The following SPINK7 variants were observed in gnomAD, a reference collection of about 807,000 sequenced individuals.
SPINK7 encodes the protein serine protease inhibitor Kazal-type 7.
Under a neutral mutation model 11.6 loss-of-function variants are expected in SPINK7, and 8 were observed. The observed-to-expected ratio is 0.69, with a 90% CI of 0.41 to 1.25. The LOEUF is 1.25. Ranked by LOEUF, SPINK7 falls within the 50% of genes most tolerant of loss-of-function variation. The probability of loss-of-function intolerance (pLI) is 0.01; values close to 1 mark genes in which losing one functional copy is unlikely to be tolerated. For missense variants in SPINK7, 113 were observed against 99.3 expected (o/e 1.14, Z -0.58); for synonymous variants, 38 against 35.3 (o/e 1.08, Z -0.27).
rs933508465 is a variant in SPINK7 at position 148,314,034 on chromosome 5, A to T, written c.88-66A>T. 4.4e-6 allele frequency: 7 copies of T among 1,602,206 alleles called. No homozygotes were observed. The East Asian group carries it at 1.6e-4, about 36-fold the overall frequency. ...AGCTGGGACTTCCAGCCCTTGTAGT[A>T]TATCTAATAGTGGCCTAGCTTGGGG... On this transcript the variant is annotated intron_variant, in intron 2 of 3. Coordinates refer to ENST00000274565, the MANE Select transcript of SPINK7 (RefSeq NM_032566.3).
intron 2 of SPINK7, 189 bp downstream of exon 2, chr5:148,313,588 T>C (rs1445727631): frequency 7.0e-6 from 3 of 431,486 alleles, no homozygotes; most frequent in Admixed American, 8.0e-5. Context: ...TTTAAAAATG[T>C]TTTTTAAAAA....
chr5:148,313,214 T>A (rs1424902582), intron 1 of SPINK7, among the ~76,000 whole-genome samples, 160 bp from the exon 2 acceptor site: 2 of 152,084 alleles, frequency 1.3e-5, no homozygotes, highest in Admixed American at 1.3e-4. Context: ...CCATTCAACT[T>A]CCTCAGCAAA....
intron 2 of SPINK7, 192 bp from the exon 3 acceptor site, chr5:148,313,908 C>G: frequency 1.5e-6 from 1 of 645,596 alleles, no homozygotes; most frequent in Non-Finnish European, 2.6e-6. Context: ...CAATTGTTAA[C>G]TGAGTGTAGC....
intron 1 of SPINK7, 72 bp downstream of exon 1, chr5:148,312,616 G>C (rs1756875096): frequency 3.6e-6 from 3 of 823,608 alleles, no homozygotes; most frequent in Non-Finnish European, 5.9e-6. Context: ...CCTGCGATGT[G>C]AGCATCTCAG....
At chr5:148,313,780 C>A in intron 2 of SPINK7, 1 of 457,308 alleles carries the variant, frequency 2.2e-6, no homozygotes, top group Non-Finnish European at 3.8e-6. Context: ...TATTTCTAAG[C>A]TTTAATTTTC....
intron 2 of SPINK7, chr5:148,313,601 C>T (rs1444691004): frequency 1.2e-5 from 5 of 420,618 alleles, no homozygotes; most frequent in African/African-American, 4.1e-5. Flanking sequence ...TTTAAAAATG[C>T]CAGAGTTAAA....
Position 148,312,456 on chromosome 5 carries a change from C to T in SPINK7, c.-28C>T. The T allele has an allele frequency of 6.6e-7, 1 of 1,517,988 alleles. No individual in the cohort carries two copies. Among genetic ancestry groups the T allele is most frequent in the Non-Finnish European group, 9.2e-7 (1 of 1,092,610 alleles). 94.0% of individuals were successfully genotyped at this position (1,517,988 alleles called of 1,614,324 possible). On this transcript the variant is annotated 5_prime_UTR_variant, in exon 1 of 4. It introduces an in-frame stop codon into an upstream open reading frame of the 5' UTR. Transcript: ENST00000274565. ...TGCAGCTGTAGTGACAATCTCAGAG[C>T]AGCTTCTACACCACAGCCATTTCCA...
chr5:148,315,674 G>A lies in SPINK7; in HGVS notation c.248G>A (p.Gly83Glu). The A allele has an allele frequency of 6.3e-7, 1 of 1,594,700 alleles. No individual in the cohort carries two copies. Reference sequence around the variant, plus strand: ...GGAAGAGTTCAGTTTCTTCACGATGGAAGTTGCTAAATTCTCCATGGACAT... The same window carrying A: ...GGAAGAGTTCAGTTTCTTCACGATGAAAGTTGCTAAATTCTCCATGGACAT... ...SNGRVQFLHDGSC is the reference protein window; with the variant it reads ...SNGRVQFLHDESC Residue 83 changes from glycine (G) to glutamate (E), a missense_variant, in exon 4 of 4, where the codon GGA (glycine) becomes GAA (glutamate). Coordinates refer to ENST00000274565, the MANE Select transcript of SPINK7 (RefSeq NM_032566.3).
In SPINK7 at chr5:148,315,693, T is replaced by C. The variant is rs1756922715; in HGVS notation, c.*9T>C. On this transcript the variant is annotated 3_prime_UTR_variant, in exon 4 of 4. Coordinates refer to ENST00000274565, the MANE Select transcript of SPINK7 (RefSeq NM_032566.3). ...ACGATGGAAGTTGCTAAATTCTCCATGGACATAGAGAGAAAGGAATGATAT... is the reference window on the plus strand; with the variant it reads ...ACGATGGAAGTTGCTAAATTCTCCACGGACATAGAGAGAAAGGAATGATAT... 1.3e-6 allele frequency: 2 copies of C among 1,536,296 alleles called. No individual in the cohort carries two copies. The highest frequency in any genetic ancestry group is 2.2e-5 in the East Asian group (1 of 44,464).
intron 1 of SPINK7, 127 bp downstream of exon 1, chr5:148,312,671 G>A (rs985030911): frequency 1.7e-6 from 1 of 600,268 alleles, no homozygotes; most frequent in Admixed American, 2.9e-5. Flanking sequence ...TTTGTAATAG[G>A]ATCTTATGTT....
Position 148,314,281 on chromosome 5 carries a change from G to A in SPINK7, c.212+57G>A, listed in dbSNP as rs906628906. 62 of 1,580,902 alleles carry A rather than the reference G, an allele frequency of 3.9e-5. 1 individual carries two copies. In the African/African-American group the frequency reaches 5.3e-4, roughly 13 times the overall value. ...GGAGTCAGTGCTCTCTACTACAAAC[G>A]CTTCTACTTTCCAGGATCCAGCTTA... On this transcript the variant is annotated intron_variant, in intron 3 of 3. Transcript: ENST00000274565.
Position 148,314,160 on chromosome 5 carries a change from C to G in SPINK7, c.148C>G (p.Leu50Val). ...VVAIPCPITY[L>V]PVCGSDYITY... ...GGCCATCCCCTGCCCCATCACATAC[C>G]TACCAGTTTGTGGTTCTGACTACAT... Residue 50 changes from leucine to valine, a missense_variant, in exon 3 of 4, where the codon CTA (leucine) becomes GTA (valine). Physicochemically the swap from Leu to Val is conservative, Grantham distance 32 (BLOSUM62 1). Coordinates refer to ENST00000274565, the MANE Select transcript of SPINK7 (RefSeq NM_032566.3). 1 of 1,613,608 alleles carries G rather than the reference C, an allele frequency of 6.2e-7. No homozygotes were observed. The highest frequency in any genetic ancestry group is 2.2e-5 in the East Asian group (1 of 44,870).
In SPINK7 at chr5:148,315,611, G is replaced by C. The variant is rs369506811; in HGVS notation, c.213-28G>C. ...ACATAAAATTTCCTCTTGTGCTAAT[G>C]AATCTTGTGAACTGTGTCTTCCCTT... On this transcript the variant is annotated intron_variant, in intron 3 of 3. Coordinates refer to ENST00000274565, the MANE Select transcript of SPINK7 (RefSeq NM_032566.3). The C allele has an allele frequency of 5.8e-5, 87 of 1,512,490 alleles. No homozygotes were observed. The African/African-American group carries it at 1.0e-3, about 18-fold the overall frequency. The allele number at this position is 1,512,490 out of a possible 1,614,324, so 93.7% of individuals were successfully genotyped here.
chr5:148,313,673 A>T (rs1409922267), intron 2 of SPINK7: 1 of 401,354 alleles, frequency 2.5e-6, no homozygotes, highest in African/African-American at 2.0e-5. Context: ...CATAACGTGT[A>T]AAAGGCAGAG....
intron 2 of SPINK7, 57 bp downstream of exon 2, chr5:148,313,456 C>A: frequency 7.7e-7 from 1 of 1,293,588 alleles, no homozygotes; most frequent in Non-Finnish European, 1.1e-6. Context: ...ATTTAGTCAA[C>A]ATATATGTAG....
chr5:148,314,034 A>G, intron 2 of SPINK7, 66 bp from the exon 3 acceptor site: 2 of 1,602,324 alleles, frequency 1.2e-6, no homozygotes, highest in Non-Finnish European at 1.7e-6. Flanking sequence ...CCCTTGTAGT[A>G]TATCTAATAG....
intron 2 of SPINK7, 120 bp downstream of exon 2, chr5:148,313,519 T>A: frequency 5.1e-6 from 3 of 586,674 alleles, no homozygotes; most frequent in Non-Finnish European, 8.9e-6. Flanking sequence ...CATGGAGAAA[T>A]GGTACCTGTT....
chr5:148,312,568 C>G, intron 1 of SPINK7, 24 bp downstream of exon 1: 1 of 1,408,060 alleles, frequency 7.1e-7, no homozygotes, highest in South Asian at 1.2e-5. Flanking sequence ...AGACAGTGCC[C>G]TATATAGCCA....
Position 148,315,701 on chromosome 5 carries a change from G to C in SPINK7, c.*17G>C. 2 of 1,485,054 alleles carry C rather than the reference G, an allele frequency of 1.3e-6. No homozygotes were observed. The highest frequency in any genetic ancestry group is 1.9e-6 in the Non-Finnish European group (2 of 1,066,284). The allele number at this position is 1,485,054 out of a possible 1,614,324, so 92.0% of individuals were successfully genotyped here. On this transcript the variant is annotated 3_prime_UTR_variant, in exon 4 of 4. Transcript: ENST00000274565. ...AGTTGCTAAATTCTCCATGGACATA[G>C]AGAGAAAGGAATGATATTCTCATCA...
Sources: allele counts gnomAD v4.1 joint callset (sites outside exome capture counted in the v4.1 genomes callset), GRCh38; gene constraint gnomAD v4.1.1; transcripts MANE v1.5; gene names NCBI Gene and HGNC (gene_info 2026-07-23, HGNC 2026-07-21).